The following TANC2 variants were observed in gnomAD, a reference collection of about 807,000 sequenced individuals.
The protein encoded by TANC2 is tetratricopeptide repeat, ankyrin repeat and coiled-coil containing 2.
A neutral mutation model predicts 210.5 loss-of-function variants in TANC2; 26 were observed. The ratio of observed to expected loss-of-function variants is 0.12; its 90% CI spans 0.09 to 0.17. TANC2 has a LOEUF of 0.17. Among genes scored for constraint, TANC2 ranks in the 10% least tolerant of loss-of-function variants. The pLI is 1.00. For missense variants in TANC2, 2,129 were observed against 2,608.9 expected, an observed-to-expected ratio of 0.82 and a Z score of 4.01; for synonymous variants, 931 against 967.1, an observed-to-expected ratio of 0.96 and a Z score of 0.69.
chr17:63,110,013 TG>T (rs2037974058), intron 4 of TANC2, among the ~76,000 whole-genome samples: 1 of 151,772 alleles, frequency 6.6e-6, no homozygotes, highest in Admixed American at 6.5e-5. Flanking sequence ...GTAGTACAGC[TG>T]TGTTATTTTC....
chr17:63,010,936 G>C (rs1367934358), intron 2 of TANC2, among the ~76,000 whole-genome samples: 1 of 151,914 alleles, frequency 6.6e-6, no homozygotes, highest in African/African-American at 2.4e-5. Flanking sequence ...CATCCTTTTG[G>C]GTTTTTATGG....
intron 11 of TANC2, among the ~76,000 whole-genome samples, chr17:63,333,060 A>G (rs2146730468): frequency 6.6e-6 from 1 of 152,346 alleles, no homozygotes; most frequent in Non-Finnish European, 1.5e-5. Flanking sequence ...GGAGATTATT[A>G]TTGTTGTCAT....
At chr17:62,972,613 G>C (rs766265666) in intron 1 of TANC2, among the ~76,000 whole-genome samples, 10 of 152,138 alleles carry the variant, frequency 6.6e-5, no homozygotes, top group Non-Finnish European at 8.8e-5. Context: ...TTTCTAGATA[G>C]TCATTTGATC....
At chr17:63,012,121 A>G (rs1433713555) in intron 2 of TANC2, among the ~76,000 whole-genome samples, 1 of 151,774 alleles carries the variant, frequency 6.6e-6, no homozygotes, top group African/African-American at 2.4e-5. Flanking sequence ...TGCTCAAGCA[A>G]TACTCCCACC....
chr17:63,159,704 C>T (rs777164426), intron 5 of TANC2, among the ~76,000 whole-genome samples: 10 of 152,082 alleles, frequency 6.6e-5, no homozygotes, highest in Non-Finnish European at 1.0e-4. Context: ...TTGAAATATA[C>T]GGGAGGATAT....
intron 9 of TANC2, among the ~76,000 whole-genome samples, chr17:63,308,597 A>G (rs1372410569): frequency 1.3e-5 from 2 of 152,182 alleles, no homozygotes; most frequent in Non-Finnish European, 2.9e-5. Context: ...TCATTCTGTA[A>G]TAGCTACAAC....
intron 1 of TANC2, among the ~76,000 whole-genome samples, chr17:62,986,208 G>C (rs2032557558): frequency 6.6e-6 from 1 of 152,180 alleles, no homozygotes; most frequent in East Asian, 1.9e-4. Flanking sequence ...GCCAGGGGTA[G>C]GCTCACTGGG....
intron 9 of TANC2, 61 bp downstream of exon 9, chr17:63,267,934 A>G (rs920099592): frequency 6.5e-7 from 1 of 1,546,630 alleles, no homozygotes; most frequent in Non-Finnish European, 8.7e-7. Flanking sequence ...GCAAAAGCCA[A>G]AAAGTTGCTT....
At chr17:63,289,301 A>G (rs923252836) in intron 9 of TANC2, among the ~76,000 whole-genome samples, 10 of 151,944 alleles carry the variant, frequency 6.6e-5, no homozygotes, top group South Asian at 2.1e-4. Context: ...GGTATTCCCC[A>G]TTATGCATAT....
At chr17:62,996,010 T>G (rs2033089658) in intron 1 of TANC2, among the ~76,000 whole-genome samples, 1 of 152,250 alleles carries the variant, frequency 6.6e-6, no homozygotes, top group Non-Finnish European at 1.5e-5. Flanking sequence ...AAGGCCTTTC[T>G]TGATAATTAT....
intron 5 of TANC2, among the ~76,000 whole-genome samples, chr17:63,193,007 T>G (rs1280316015): frequency 6.6e-6 from 1 of 152,158 alleles, no homozygotes; most frequent in Non-Finnish European, 1.5e-5. Flanking sequence ...GAATCTACAA[T>G]GAGAAAAATT....
At chr17:63,282,841 C>CT (rs1180797840) in intron 9 of TANC2, among the ~76,000 whole-genome samples, 2 of 151,892 alleles carry the variant, frequency 1.3e-5, no homozygotes, top group Non-Finnish European at 2.9e-5. Context: ...AGTTGTGAAA[C>CT]TTTTTTTATC....
chr17:63,354,924 G>A (rs1198128795), exon 14 of TANC2: 1 of 1,613,760 alleles, frequency 6.2e-7, no homozygotes, highest in East Asian at 2.2e-5. Context: ...TTCACTTAAT[G>A]GCAAAATGGA....
At chr17:63,158,087 T>G (rs2039899089) in intron 5 of TANC2, among the ~76,000 whole-genome samples, 2 of 152,344 alleles carry the variant, frequency 1.3e-5, no homozygotes, top group South Asian at 2.1e-4. Flanking sequence ...GTTGTGTGTA[T>G]GCGTGTTTAT....
intron 1 of TANC2, among the ~76,000 whole-genome samples, chr17:62,997,161 A>C: frequency 7.8e-6 from 1 of 127,940 alleles, no homozygotes; most frequent in African/African-American, 3.0e-5. Context: ...ACAGAGTCTC[A>C]CTCTCTTTCT....
chr17:63,328,556 C>A (rs986637565), intron 11 of TANC2, among the ~76,000 whole-genome samples: 1 of 151,850 alleles, frequency 6.6e-6, no homozygotes, highest in Non-Finnish European at 1.5e-5. Flanking sequence ...ACTGCATGAT[C>A]TTTCTTATAT....
intron 5 of TANC2, among the ~76,000 whole-genome samples, chr17:63,159,884 T>C (rs1156247465): frequency 6.6e-6 from 1 of 152,176 alleles, no homozygotes; most frequent in Admixed American, 6.5e-5. Context: ...TACCATAGAT[T>C]GGGTGGCTTA....
chr17:63,099,026 T>G (rs572855306), intron 3 of TANC2, 149 bp from the exon 4 acceptor site: 1 of 770,044 alleles, frequency 1.3e-6, no homozygotes, highest in South Asian at 1.7e-5. Context: ...GAGTACATAG[T>G]AAGTGTAGAA....
intron 1 of TANC2, 38 bp from the exon 2 acceptor site, chr17:63,009,499 G>C: frequency 6.7e-7 from 1 of 1,484,682 alleles, no homozygotes; most frequent in South Asian, 1.1e-5. Flanking sequence ...TGAAAATAAA[G>C]TTTTCTTAAA....
Sources: allele counts gnomAD v4.1 joint callset (sites outside exome capture counted in the v4.1 genomes callset), GRCh38; gene constraint gnomAD v4.1.1; transcripts MANE v1.5; gene names NCBI Gene and HGNC (gene_info 2026-07-23, HGNC 2026-07-21).